The following NLGN1 variants were observed in gnomAD, a reference collection of about 807,000 sequenced individuals.
The protein encoded by NLGN1 is neuroligin 1.
NLGN1 carries 12 observed loss-of-function variants against 65.5 expected under a neutral mutation model. The ratio of observed to expected loss-of-function variants is 0.18; its 90% CI spans 0.12 to 0.30. NLGN1 has a LOEUF of 0.30. NLGN1 is among the 10% of genes least tolerant of loss of function. NLGN1 has a pLI of 1.00. For missense variants in NLGN1, 750 were observed against 1,007.1 expected, an observed-to-expected ratio of 0.74 and a Z score of 3.46; for synonymous variants, 350 against 359.5, an observed-to-expected ratio of 0.97 and a Z score of 0.30.
rs1212243266 is a variant in NLGN1 at position 174,261,513 on chromosome 3, T to A, written c.647-13802T>A. On this transcript the variant is annotated intron_variant, in intron 4 of 6. Coordinates refer to ENST00000457714, the Ensembl canonical transcript of NLGN1. ...TCTGTTTTTGGTGTATAAGAATGCT[T>A]GTGATTTTTGTACATTGATTTTGTA... is the stretch of plus-strand genomic sequence containing the variant. Among the ~76,000 whole-genome samples the A allele has an allele frequency of 1.2e-3, 174 of 147,960 alleles. 1 individual carries two copies. Among genetic ancestry groups the A allele is most frequent in the African/African-American group, 4.3e-3 (172 of 39,766 alleles).
Position 173,810,697 on chromosome 3 carries a change from A to G in NLGN1, c.646+2865A>G, listed in dbSNP as rs78107978. On this transcript the variant is annotated intron_variant, in intron 4 of 6. Coordinates refer to ENST00000457714, the Ensembl canonical transcript of NLGN1. The stretch of plus-strand genomic sequence containing the variant: ...TTTTAATTAGAAAATTCGTACAGCT[A>G]TCTAGCTGCCAATTTTTCAGTTTAA... 1.2e-3 allele frequency among the ~76,000 whole-genome samples: 185 copies of G among 152,384 alleles called. 2 individuals carry two copies. Among genetic ancestry groups the G allele is most frequent in the Middle Eastern group, 6.8e-3 (2 of 294 alleles).
At chr3:173,621,815 A>C (rs896280100) in intron 3 of NLGN1, among the ~76,000 whole-genome samples, 9 of 152,076 alleles carry the variant, frequency 5.9e-5, no homozygotes, top group South Asian at 4.1e-4. Flanking sequence ...CTGTTAATAA[A>C]TCCTATTTCC....
Position 173,490,875 on chromosome 3 carries a change from T to C in NLGN1, c.-321+55797T>C, listed in dbSNP as rs954939797. 7.2e-4 allele frequency among the ~76,000 whole-genome samples: 110 copies of C among 152,214 alleles called. 2 individuals are homozygous for C. The highest frequency in any genetic ancestry group is 2.5e-3 in the African/African-American group (102 of 41,502). On this transcript the variant is annotated intron_variant, in intron 2 of 6. Transcript: ENST00000457714. ...GAAGCAATTGTGAATGGGAGTTCAT[T>C]CATGATTTGGCTCTCTGTTTGTCTG...
At chr3:173,861,554 G>A (rs376823423) in intron 4 of NLGN1, among the ~76,000 whole-genome samples, 4 of 113,300 alleles carry the variant, frequency 3.5e-5, no homozygotes, top group African/African-American at 1.4e-4. Context: ...GTGTGTGTGT[G>A]TGTATATACA....
intron 3 of NLGN1, among the ~76,000 whole-genome samples, chr3:173,676,807 A>G (rs1255857419): frequency 1.3e-5 from 2 of 152,094 alleles, no homozygotes; most frequent in Non-Finnish European, 2.9e-5. Context: ...TTGTCTTCAT[A>G]TGTCTCTTCT....
intron 3 of NLGN1, among the ~76,000 whole-genome samples, chr3:173,747,057 T>TACACACACACAC (rs765173809): frequency 4.9e-5 from 4 of 81,748 alleles, no homozygotes; most frequent in African/African-American, 1.8e-4. Context: ...AAAAATTATA[T>TACACACACACAC]ATACACACAC....
At chr3:174,197,751 C>CGTGTGTGTGTGTGTGTGTGTGTGTGTGT (rs71162378) in intron 4 of NLGN1, among the ~76,000 whole-genome samples, 1 of 141,642 alleles carries the variant, frequency 7.1e-6, no homozygotes, top group African/African-American at 2.6e-5. Flanking sequence ...CCCATTATCT[C>CGTGTGTGTGTGTGTGTGTGTGTGTGTGT]GTGTGTGTGT....
At chr3:174,076,679 T>G (rs965167126) in intron 4 of NLGN1, among the ~76,000 whole-genome samples, 5 of 92,916 alleles carry the variant, frequency 5.4e-5, no homozygotes, top group East Asian at 7.0e-4. Context: ...TCTGGGACCA[T>G]AGAGAGAGAG....
chr3:173,686,130 A>C (rs1470648820), intron 3 of NLGN1, among the ~76,000 whole-genome samples: 2 of 152,156 alleles, frequency 1.3e-5, no homozygotes, highest in African/African-American at 4.8e-5. Context: ...CACAGTACAC[A>C]ATTGATTTTT....
chr3:173,669,094 A>G (rs1483336426), intron 3 of NLGN1, among the ~76,000 whole-genome samples: 1 of 152,120 alleles, frequency 6.6e-6, no homozygotes, highest in Non-Finnish European at 1.5e-5. Flanking sequence ...TCCTGTAGAC[A>G]CTGGGAAGTC....
At chr3:173,605,565 G>T in intron 3 of NLGN1, 1 of 1,287,316 alleles carries the variant, frequency 7.8e-7, no homozygotes. Flanking sequence ...GTGCCAGAAA[G>T]CCCGGCAAGA....
chr3:173,991,718 C>G (rs1721142747), intron 4 of NLGN1, among the ~76,000 whole-genome samples: 1 of 152,208 alleles, frequency 6.6e-6, no homozygotes, highest in African/African-American at 2.4e-5. Context: ...TATGCTCCTT[C>G]TCAGAATATG....
intron 2 of NLGN1, among the ~76,000 whole-genome samples, chr3:173,457,636 G>T (rs147821936): frequency 6.9e-4 from 105 of 152,220 alleles, no homozygotes; most frequent in African/African-American, 2.5e-3. Flanking sequence ...ATTCTTATAG[G>T]CAAGCAAGAG....
intron 3 of NLGN1, among the ~76,000 whole-genome samples, chr3:173,763,022 C>T (rs1243724133): frequency 6.9e-6 from 1 of 144,590 alleles, no homozygotes; most frequent in African/African-American, 2.7e-5. Context: ...AGTCATGAGG[C>T]ATATGATTTC....
intron 3 of NLGN1, among the ~76,000 whole-genome samples, chr3:173,662,522 C>T (rs181748491): frequency 3.3e-5 from 5 of 151,964 alleles, no homozygotes; most frequent in African/African-American, 9.6e-5. Flanking sequence ...ATAATTTATC[C>T]ATTTGAAGTA....
chr3:173,418,998 G>T (rs1466714444), intron 1 of NLGN1, among the ~76,000 whole-genome samples: 16 of 15,538 alleles, frequency 1.0e-3, no homozygotes, highest in East Asian at 1.8e-3. Context: ...TTTCCTTTCT[G>T]TTCTTTAGCT....
chr3:173,459,184 T>A (rs1457835625), intron 2 of NLGN1, among the ~76,000 whole-genome samples: 2 of 152,114 alleles, frequency 1.3e-5, no homozygotes, highest in Admixed American at 6.6e-5. Context: ...TGTTCATCAT[T>A]TTCTTCTTAA....
intron 4 of NLGN1, among the ~76,000 whole-genome samples, chr3:174,129,419 GTATC>G (rs1719698554): frequency 7.6e-6 from 1 of 132,422 alleles, no homozygotes. Flanking sequence ...TCATTCTACA[GTATC>G]TAGGAAAAAC....
chr3:174,213,111 A>G (rs1360844791), intron 4 of NLGN1, among the ~76,000 whole-genome samples: 1 of 152,214 alleles, frequency 6.6e-6, no homozygotes, highest in Non-Finnish European at 1.5e-5. Context: ...AACTCTGAGG[A>G]TTAGGATGTG....
Sources: allele counts gnomAD v4.1 joint callset (sites outside exome capture counted in the v4.1 genomes callset), GRCh38; gene constraint gnomAD v4.1.1; transcripts MANE v1.5; gene names NCBI Gene and HGNC (gene_info 2026-07-23, HGNC 2026-07-21).